The following AK8 variants were observed in gnomAD, a reference collection of about 807,000 sequenced individuals.
AK8 encodes the protein adenylate kinase 8, also known as ATP-AMP transphosphorylase 8.
In AK8, 44 loss-of-function variants were observed where a neutral mutation model predicts 54.6. That is an observed-to-expected ratio of 0.81 (90% confidence interval 0.63 to 1.04). The LOEUF is 1.04. AK8 is among the 50% of genes least tolerant of loss of function. The probability of loss-of-function intolerance (pLI) is 0.00; values close to 1 mark genes in which losing one functional copy is unlikely to be tolerated. For synonymous variants in AK8, 239 were observed against 245.6 expected (o/e 0.97, Z 0.25); for missense variants, 555 against 613.6 (o/e 0.90, Z 1.01).
chr9:132,821,091 T>C (rs989413911), intron 9 of AK8, among the ~76,000 whole-genome samples: 22 of 151,778 alleles, frequency 1.4e-4, no homozygotes, highest in African/African-American at 4.1e-4. Context: ...GGTAATTTCA[T>C]CTCTTCATGG....
At chr9:132,747,785 A>AGACT (rs1837725936) in intron 11 of AK8, among the ~76,000 whole-genome samples, 1 of 148,572 alleles carries the variant, frequency 6.7e-6, no homozygotes, top group South Asian at 2.1e-4. Context: ...TTTTACAATG[A>AGACT]GACTGTACTA....
In AK8 at chr9:132,875,188, C is replaced by T; in HGVS notation, c.96G>A (p.Glu32=). Residue 32 remains glutamate, a synonymous_variant, in exon 2 of 13, where the codon GAG becomes GAA. Transcript: ENST00000298545. ...CTTCGGGCTGGTGGATCAGGAGTTG[C>T]TCCAGCATGTTCTGTGGGTGCAGGG... ...HIFELMQNML[E]QLLIHQPEDP... is the part of the protein sequence containing the mutation. 1 of 1,614,174 alleles carries T rather than the reference C, an allele frequency of 6.2e-7. No homozygotes were observed. The highest frequency in any genetic ancestry group is 1.1e-5 in the South Asian group (1 of 91,074).
chr9:132,845,299 G>A (rs1394110691), intron 5 of AK8, among the ~76,000 whole-genome samples: 1 of 152,188 alleles, frequency 6.6e-6, no homozygotes, highest in Non-Finnish European at 1.5e-5. Flanking sequence ...ATAGTGTAAT[G>A]TAACTAATAA....
At chr9:132,735,095 T>C (rs1463405354) in intron 11 of AK8, among the ~76,000 whole-genome samples, 2 of 152,218 alleles carry the variant, frequency 1.3e-5, no homozygotes, top group African/African-American at 2.4e-5. Context: ...TGAGCACCAC[T>C]GCCCTGATTC....
intron 5 of AK8, among the ~76,000 whole-genome samples, chr9:132,849,425 C>T (rs886811405): frequency 6.6e-6 from 1 of 152,114 alleles, no homozygotes; most frequent in Non-Finnish European, 1.5e-5. Flanking sequence ...AGAGCTGAGT[C>T]GTTGTGACAG....
chr9:132,854,230 A>G (rs1843087558), intron 5 of AK8, among the ~76,000 whole-genome samples: 2 of 152,378 alleles, frequency 1.3e-5, no homozygotes, highest in South Asian at 2.1e-4. Flanking sequence ...ATACATATAT[A>G]CATAAAATAA....
rs1840344896 is a variant in AK8 at position 132,799,566 on chromosome 9, C to T, written c.980-6791G>A. On this transcript the variant is annotated intron_variant, in intron 10 of 12. Coordinates refer to ENST00000298545, the MANE Select transcript of AK8 (RefSeq NM_152572.3). This position sits in a 1 kb window ranked among gnomAD's most constrained non-coding sequence, Gnocchi z 5.0. ...TACAACACACACAGGCACGCACACA[C>T]ACAGACATGTGCTCATGCACTCAGC... Among the ~76,000 whole-genome samples, 1 of 151,858 alleles carries T rather than the reference C, an allele frequency of 6.6e-6. No homozygotes were observed. The highest frequency in any genetic ancestry group is 2.1e-4 in the South Asian group (1 of 4,808).
Position 132,850,884 on chromosome 9 carries a change from CT to C in AK8, c.402+3972del, listed in dbSNP as rs529181818. Among the ~76,000 whole-genome samples the C allele has an allele frequency of 5.7e-3, 814 of 143,176 alleles. 3 individuals carry two copies. The highest frequency in any genetic ancestry group is 9.5e-3 in the Non-Finnish European group (622 of 65,796). The allele number at this position is 143,176 out of a possible 152,430, so 93.9% of individuals were successfully genotyped here. On this transcript the variant is annotated intron_variant, in intron 5 of 12. Transcript: ENST00000298545. ...AGACAGATGGAGAAAGAGAGAGAATCTGTAGGTGCATTTAAAAAAAAAAAAA... is the reference window on the plus strand; with the variant it reads ...AGACAGATGGAGAAAGAGAGAGAATCGTAGGTGCATTTAAAAAAAAAAAAA...
intron 8 of AK8, among the ~76,000 whole-genome samples, chr9:132,824,560 A>G (rs550336676): frequency 3.3e-5 from 5 of 152,272 alleles, no homozygotes; most frequent in African/African-American, 9.6e-5. Context: ...GGATGTTGAG[A>G]AGCATCCCTG....
intron 5 of AK8, among the ~76,000 whole-genome samples, chr9:132,849,628 C>T (rs896757389): frequency 5.3e-5 from 8 of 152,150 alleles, no homozygotes; most frequent in African/African-American, 1.7e-4. Flanking sequence ...TGTTGCAGCC[C>T]GGCCGGCAGG....
intron 11 of AK8, among the ~76,000 whole-genome samples, chr9:132,740,461 G>A (rs781550096): frequency 5.9e-5 from 9 of 152,120 alleles, no homozygotes; most frequent in Non-Finnish European, 8.8e-5. Flanking sequence ...TCTCCATCAC[G>A]GAGCTCATCT....
At chr9:132,754,257 T>A (rs532727755) in intron 11 of AK8, among the ~76,000 whole-genome samples, 2 of 152,304 alleles carry the variant, frequency 1.3e-5, no homozygotes, top group African/African-American at 4.8e-5. Flanking sequence ...AGCACAGAGA[T>A]GTATTTCAGT....
chr9:132,773,157 C>G (rs995694505), intron 11 of AK8, among the ~76,000 whole-genome samples: 1 of 152,222 alleles, frequency 6.6e-6, no homozygotes, highest in Non-Finnish European at 1.5e-5. Context: ...GGCCAATGGC[C>G]TCCTTGATGT....
At chr9:132,857,431 T>A (rs888946502) in intron 4 of AK8, among the ~76,000 whole-genome samples, 9 of 152,180 alleles carry the variant, frequency 5.9e-5, no homozygotes, top group South Asian at 4.2e-4. Context: ...AGTGCCCGTT[T>A]CCCTCAGGTC....
chr9:132,761,995 G>A (rs1316551419), intron 11 of AK8, among the ~76,000 whole-genome samples: 1 of 151,964 alleles, frequency 6.6e-6, no homozygotes, highest in Non-Finnish European at 1.5e-5. Context: ...TCAGCCTCCC[G>A]AGTAGCTGAG....
In AK8 at chr9:132,803,913, C is replaced by T. The variant is rs571868725; in HGVS notation, c.979+10725G>A. Among the ~76,000 whole-genome samples the T allele has an allele frequency of 6.6e-6, 1 of 152,096 alleles. No individual in the cohort carries two copies. Among genetic ancestry groups the T allele is most frequent in the Admixed American group, 6.6e-5 (1 of 15,264 alleles). On this transcript the variant is annotated intron_variant, in intron 10 of 12. Coordinates refer to ENST00000298545, the MANE Select transcript of AK8 (RefSeq NM_152572.3). This position sits in a 1 kb window ranked among gnomAD's most constrained non-coding sequence, Gnocchi z 4.4. Reference sequence around the variant, plus strand: ...GATCACGAGGTCAAGAGATGGAGACCTGGCCAATATGGTGAAACCCCATCT... The same window carrying T: ...GATCACGAGGTCAAGAGATGGAGACTTGGCCAATATGGTGAAACCCCATCT...
intron 4 of AK8, among the ~76,000 whole-genome samples, chr9:132,859,382 G>T (rs1055831575): frequency 6.6e-6 from 1 of 151,890 alleles, no homozygotes; most frequent in Non-Finnish European, 1.5e-5. Context: ...GACTACAGGC[G>T]CCCCCCACCA....
intron 11 of AK8, among the ~76,000 whole-genome samples, chr9:132,744,759 A>G (rs1722539192): frequency 6.6e-6 from 1 of 151,952 alleles, no homozygotes; most frequent in Admixed American, 6.5e-5. Flanking sequence ...ATATTTTATG[A>G]ATATTTGTCA....
Position 132,870,879 on chromosome 9 carries a change from A to T in AK8, c.170-3926T>A, listed in dbSNP as rs142470961. On this transcript the variant is annotated intron_variant, in intron 2 of 12. Coordinates refer to ENST00000298545, the MANE Select transcript of AK8 (RefSeq NM_152572.3). ...CACACTGGATGTCATGGGCCTCTCC[A>T]AGCCTCCCGCACTCTTCTAGGACAC... Among the ~76,000 whole-genome samples, 34 of 145,786 alleles carry T rather than the reference A, an allele frequency of 2.3e-4. No homozygotes were observed. The East Asian group carries it at 8.0e-3, about 34-fold the overall frequency.
Sources: allele counts gnomAD v4.1 joint callset (sites outside exome capture counted in the v4.1 genomes callset), GRCh38; gene constraint gnomAD v4.1.1; non-coding constraint Gnocchi (gnomAD v3.1); transcripts MANE v1.5; gene names NCBI Gene and HGNC (gene_info 2026-07-23, HGNC 2026-07-21).